The following FOXP1 variants were observed in gnomAD, a reference collection of about 807,000 sequenced individuals.
FOXP1 encodes the protein forkhead box protein P1.
In FOXP1, 15 loss-of-function variants were observed where a neutral mutation model predicts 98.2. The observed-to-expected ratio is 0.15, with a 90% CI of 0.10 to 0.24. The LOEUF (loss-of-function observed/expected upper bound fraction) is 0.24, where lower values mean the gene tolerates loss of function less well. Ranked by LOEUF, FOXP1 falls within the 10% of genes least tolerant of loss-of-function variation. The probability of loss-of-function intolerance (pLI) is 1.00; values close to 1 mark genes in which losing one functional copy is unlikely to be tolerated. For missense variants in FOXP1, 633 were observed against 848.5 expected, an observed-to-expected ratio of 0.75 and a Z score of 3.15; for synonymous variants, 371 against 314.5, an observed-to-expected ratio of 1.18 and a Z score of -1.90.
chr3:71,330,103 A>G (rs576626783), intron 4 of FOXP1, among the ~76,000 whole-genome samples: 1 of 152,358 alleles, frequency 6.6e-6, no homozygotes, highest in Middle Eastern at 3.4e-3. Context: ...AATAACATGT[A>G]TAACTCTTCC....
intron 5 of FOXP1, among the ~76,000 whole-genome samples, chr3:71,233,815 T>C (rs2066545788): frequency 6.6e-6 from 1 of 152,174 alleles, no homozygotes; most frequent in Non-Finnish European, 1.5e-5. Context: ...GAAAACTTTT[T>C]AAAATGCATA....
At chr3:71,300,579 C>T (rs568457098) in intron 4 of FOXP1, among the ~76,000 whole-genome samples, 174 of 152,324 alleles carry the variant, frequency 1.1e-3, no homozygotes, top group Admixed American at 3.7e-3. Flanking sequence ...CATCTGCATA[C>T]TCCCGTATGC....
chr3:71,052,712 A>C (rs1179107696), intron 8 of FOXP1, 86 bp from the exon 9 acceptor site: 3 of 806,790 alleles, frequency 3.7e-6, no homozygotes, highest in Non-Finnish European at 4.5e-6. Flanking sequence ...CTGTGATTTG[A>C]AAAATAGCAT....
At chr3:71,157,190 TA>T (rs939441485) in intron 6 of FOXP1, among the ~76,000 whole-genome samples, 1 of 152,120 alleles carries the variant, frequency 6.6e-6, no homozygotes, top group African/African-American at 2.4e-5. Context: ...CAAACAGGTA[TA>T]GATTTTCAAA....
At chr3:71,417,668 A>G (rs1344052503) in intron 3 of FOXP1, among the ~76,000 whole-genome samples, 1 of 152,150 alleles carries the variant, frequency 6.6e-6, no homozygotes, top group African/African-American at 2.4e-5. Context: ...TTTCAACCAA[A>G]AGGTTGGGAA....
intron 5 of FOXP1, among the ~76,000 whole-genome samples, chr3:71,229,684 TTC>T: frequency 6.6e-6 from 1 of 152,202 alleles, no homozygotes; most frequent in Admixed American, 6.5e-5. Flanking sequence ...CCGTGTCTCT[TTC>T]TTTCAGCTGT....
At chr3:71,187,209 C>T (rs1456459797) in intron 6 of FOXP1, among the ~76,000 whole-genome samples, 1 of 152,232 alleles carries the variant, frequency 6.6e-6, no homozygotes, top group East Asian at 1.9e-4. Context: ...TTGTGAATCA[C>T]TACATTACAG....
intron 3 of FOXP1, among the ~76,000 whole-genome samples, chr3:71,450,391 T>C (rs1156486176): frequency 1.3e-5 from 2 of 152,212 alleles, no homozygotes; most frequent in Non-Finnish European, 2.9e-5. Flanking sequence ...ATAACTTCAC[T>C]GCAGAATGAC....
At chr3:71,358,583 T>C (rs1392316698) in intron 4 of FOXP1, among the ~76,000 whole-genome samples, 1 of 152,222 alleles carries the variant, frequency 6.6e-6, no homozygotes, top group Non-Finnish European at 1.5e-5. Flanking sequence ...AGGGCAGGTA[T>C]ATATTTTTTA....
At chr3:71,468,441 A>G (rs967215550) in intron 3 of FOXP1, among the ~76,000 whole-genome samples, 4 of 152,202 alleles carry the variant, frequency 2.6e-5, no homozygotes, top group African/African-American at 9.6e-5. Flanking sequence ...CACATCACAC[A>G]GGGATCTCAC....
At chr3:71,272,423 T>C (rs1434188533) in intron 5 of FOXP1, among the ~76,000 whole-genome samples, 1 of 152,160 alleles carries the variant, frequency 6.6e-6, no homozygotes. Flanking sequence ...CTTACCATAT[T>C]GCTCCCATGG....
intron 6 of FOXP1, among the ~76,000 whole-genome samples, chr3:71,119,432 T>C (rs2058600451): frequency 6.6e-6 from 1 of 152,054 alleles, no homozygotes. Flanking sequence ...CCCCTCAAGA[T>C]CAAACCTGTT....
At chr3:71,083,750 G>T (rs1046295170) in intron 7 of FOXP1, among the ~76,000 whole-genome samples, 1 of 152,184 alleles carries the variant, frequency 6.6e-6, no homozygotes, top group Non-Finnish European at 1.5e-5. Context: ...TTACCTGAGT[G>T]CCTGGTTCCA....
chr3:71,199,517 A>G (rs1488988477), intron 5 of FOXP1, among the ~76,000 whole-genome samples: 6 of 148,474 alleles, frequency 4.0e-5, no homozygotes, highest in African/African-American at 1.5e-4. Context: ...ACTTAAGGTC[A>G]GGAGTTCGAG....
intron 3 of FOXP1, among the ~76,000 whole-genome samples, chr3:71,475,267 G>A (rs1052225816): frequency 1.3e-5 from 2 of 152,100 alleles, no homozygotes; most frequent in Non-Finnish European, 2.9e-5. Flanking sequence ...TATTAAGCAG[G>A]CTAAGATGCT....
intron 6 of FOXP1, among the ~76,000 whole-genome samples, chr3:71,172,377 A>C (rs923773453): frequency 1.3e-5 from 2 of 152,194 alleles, no homozygotes; most frequent in African/African-American, 4.8e-5. Context: ...TCTCGAGGGA[A>C]TCCATCGGGT....
At chr3:71,492,193 T>C (rs1383978655) in intron 3 of FOXP1, among the ~76,000 whole-genome samples, 1 of 152,154 alleles carries the variant, frequency 6.6e-6, no homozygotes, top group Admixed American at 6.5e-5. Flanking sequence ...GGCTCACACC[T>C]GTAATCCCAG....
intron 6 of FOXP1, among the ~76,000 whole-genome samples, chr3:71,154,298 G>A (rs531083087): frequency 2.4e-4 from 36 of 151,810 alleles, no homozygotes; most frequent in South Asian, 8.3e-4. Context: ...TATTAACTGC[G>A]GTCACCATGC....
At chr3:71,217,986 C>T (rs2065070218) in intron 5 of FOXP1, among the ~76,000 whole-genome samples, 1 of 152,140 alleles carries the variant, frequency 6.6e-6, no homozygotes, top group Non-Finnish European at 1.5e-5. Flanking sequence ...GTGTCGACAT[C>T]CTCCCCTCCC....
Sources: allele counts gnomAD v4.1 joint callset (sites outside exome capture counted in the v4.1 genomes callset), GRCh38; gene constraint gnomAD v4.1.1; transcripts MANE v1.5; gene names NCBI Gene and HGNC (gene_info 2026-07-23, HGNC 2026-07-21).